RAD52: variants seen among roughly 807,000 people sequenced by gnomAD.
The protein encoded by RAD52 is RAD52 DNA repair protein.
RAD52 carries 47 observed loss-of-function variants against 55.5 expected under a neutral mutation model. That is an observed-to-expected ratio of 0.85 (90% CI 0.67 to 1.08). RAD52 has a LOEUF of 1.08. Ranked by LOEUF, RAD52 falls within the 50% of genes least tolerant of loss-of-function variation. RAD52 has a pLI of 0.00. For synonymous variants in RAD52, 184 were observed against 198.9 expected, an observed-to-expected ratio of 0.92 and a Z score of 0.63; for missense variants, 468 against 522.8, an observed-to-expected ratio of 0.90 and a Z score of 1.02.
At chr12:938,200 T>G (rs1565680791) in intron 1 of RAD52, among the ~76,000 whole-genome samples, 2 of 152,170 alleles carry the variant, frequency 1.3e-5, no homozygotes, top group African/African-American at 4.8e-5. Context: ...CCAATTACAG[T>G]CACATCATGT....
chr12:916,615 AAGG>A (rs1313866964), intron 8 of RAD52, 21 bp downstream of exon 8: 3 of 1,606,088 alleles, frequency 1.9e-6, no homozygotes, highest in Non-Finnish European at 2.6e-6. Context: ...CCGCAGAGGA[AAGG>A]AGGGGACTTA....
chr12:982,391 C>T lies in RAD52; in HGVS notation c.-19+7418G>A, dbSNP rs1959029120. 2.0e-5 allele frequency among the ~76,000 whole-genome samples: 3 copies of T among 152,268 alleles called. No individual in the cohort carries two copies. In the Middle Eastern group the frequency reaches 0.01, roughly 518 times the overall value. On this transcript the variant is annotated intron_variant, in intron 1 of 11. Coordinates refer to the RAD52 transcript ENST00000430095. ...AATTCCCTCAGTTTATCTTTCTTCC[C>T]ACATTTTACTAAAGCAACCAAAAGA...
intron 9 of RAD52, 190 bp downstream of exon 9, chr12:916,154 C>G: frequency 7.7e-7 from 1 of 1,305,692 alleles, no homozygotes; most frequent in South Asian, 2.0e-5. Context: ...TCTTTAGAAA[C>G]GGGAAAATGT....
chr12:913,949 T>A lies in RAD52; in HGVS notation c.1140A>T (p.Gln380His). 1 of 1,614,204 alleles carries A rather than the reference T, an allele frequency of 6.2e-7. No homozygotes were observed. Among genetic ancestry groups the A allele is most frequent in the Non-Finnish European group, 8.5e-7 (1 of 1,180,026 alleles). The change falls in exon 11 of 12, where the codon CAA becomes CAT. Residue 380 changes from glutamine (Q) to histidine (H), a missense_variant. By Grantham distance (24) the Gln-to-His change is conservative (BLOSUM62 0). Coordinates refer to ENST00000358495, the MANE Select transcript of RAD52 (RefSeq NM_134424.4). ...TPHSVCHQKP[Q>H]AKSGSWDLQT... is the part of the protein sequence containing the mutation. Reference sequence around the variant, plus strand: ...GGAGGTCCCAAGATCCAGATTTTGCTTGTGGTTTCTGGTGGCAAACGCTGT... The same window carrying A: ...GGAGGTCCCAAGATCCAGATTTTGCATGTGGTTTCTGGTGGCAAACGCTGT...
In RAD52 at chr12:916,334, C is replaced by G. The variant is rs758450954; in HGVS notation, c.865+10G>C. 18 of 1,603,754 alleles carry G rather than the reference C, an allele frequency of 1.1e-5. No homozygotes were observed. Among genetic ancestry groups the G allele is most frequent in the South Asian group, 2.2e-5 (2 of 91,038 alleles). ...CGCCTCCCAGGGCCCTGCTCCCACC[C>G]CTCGCTCACCCTCACTCTTCTCAGC... On this transcript the variant is annotated intron_variant, in intron 9 of 11. Coordinates refer to ENST00000358495, the MANE Select transcript of RAD52 (RefSeq NM_134424.4).
intron 6 of RAD52, among the ~76,000 whole-genome samples, chr12:925,729 A>G (rs1956997001): frequency 6.6e-6 from 1 of 152,194 alleles, no homozygotes; most frequent in South Asian, 2.1e-4. Context: ...CAGTGAGGAC[A>G]AGACACAAGT....
In RAD52 at chr12:913,238, C is replaced by G; in HGVS notation, c.*153G>C. ...AGTGCTCAGCTCTAACTGCAGTGGG[C>G]TCTCAGTCAGATCCTCTTGATAAGG... On this transcript the variant is annotated 3_prime_UTR_variant, in exon 12 of 12. Coordinates refer to ENST00000358495, the MANE Select transcript of RAD52 (RefSeq NM_134424.4). The G allele has an allele frequency of 1.5e-6, 1 of 688,284 alleles. No homozygotes were observed. The allele number at this position is 688,284 out of a possible 1,614,324, so 42.6% of individuals were successfully genotyped here. A position where few individuals can be genotyped will look rare whatever the true frequency, so the allele number is the denominator to read the frequency against.
At chr12:942,447 C>A (rs1413904695) in intron 1 of RAD52, among the ~76,000 whole-genome samples, 1 of 152,042 alleles carries the variant, frequency 6.6e-6, no homozygotes, top group African/African-American at 2.4e-5. Context: ...AAACATAAAA[C>A]TAAAACTATA....
Position 929,885 on chromosome 12 carries a change from A to G in RAD52, c.282T>C (p.Asp94=). 6.2e-7 allele frequency: 1 copy of G among 1,613,336 alleles called. No individual in the cohort carries two copies. Among genetic ancestry groups the G allele is most frequent in the Non-Finnish European group, 8.5e-7 (1 of 1,179,298 alleles). The change falls in exon 5 of 12, where the codon GAT becomes GAC. Residue 94 remains aspartate, a splice_region_variant and synonymous_variant. Coordinates refer to ENST00000358495, the MANE Select transcript of RAD52 (RefSeq NM_134424.4). The part of the protein sequence containing the change: ...WAHSITQQNV[D]FVDLNNGKFY... ...ACTTGCCATTGTTGAGGTCAACAAA[A>G]TCTAGGAGTGGGAAAGAGAGCAAGT...
chr12:916,224 A>G, intron 9 of RAD52, 120 bp downstream of exon 9: 1 of 1,492,818 alleles, frequency 6.7e-7, no homozygotes, highest in Non-Finnish European at 8.8e-7. Flanking sequence ...AGCTTGAGAG[A>G]AGTCCCAGCG....
Position 916,767 on chromosome 12 carries a change from A to G in RAD52, c.597T>C (p.Ser199=). 6.2e-7 allele frequency: 1 copy of G among 1,614,126 alleles called. No individual in the cohort carries two copies. Among genetic ancestry groups the G allele is most frequent in the Non-Finnish European group, 8.5e-7 (1 of 1,179,992 alleles). Residue 199 remains serine (S), a synonymous_variant, in exon 8 of 12, where the codon TCT becomes TCC. Transcript: ENST00000358495. ...TKAKRQDLEP[S]VEEARYNSCR... ...AGCTGTTGTATCTTGCCTCCTCCAC[A>G]GACGGTTCAAGATCTTGTCTCTTCG...
chr12:931,252 T>C lies in RAD52; in HGVS notation c.154A>G (p.Ile52Val), dbSNP rs200499443. Residue 52 changes from isoleucine to valine, a missense_variant, in exon 3 of 12, where the codon ATA becomes GTA. Ile to Val is a conservative substitution (Grantham distance 29). Coordinates refer to ENST00000358495, the MANE Select transcript of RAD52 (RefSeq NM_134424.4). Reference protein sequence around the residue: ...ALRQRLGPEYISSRMAGGGQK... With the variant: ...ALRQRLGPEYVSSRMAGGGQK... ...CCTCCGCCAGCCATGCGGCTACTTA[T>C]GTATTCTGGGCCCAGCCTCTGCCTC... is the stretch of plus-strand genomic sequence containing the variant. The C allele has an allele frequency of 4.2e-5, 68 of 1,612,914 alleles. No individual in the cohort carries two copies. Among genetic ancestry groups the C allele is most frequent in the Middle Eastern group, 3.3e-4 (2 of 6,060 alleles).
chr12:938,717 G>C (rs1461019848), intron 1 of RAD52, among the ~76,000 whole-genome samples: 2 of 152,036 alleles, frequency 1.3e-5, no homozygotes, highest in East Asian at 1.9e-4. Flanking sequence ...AGACTTAAGA[G>C]GCATGACAAC....
At chr12:979,716 T>C (rs538335885) in intron 1 of RAD52, among the ~76,000 whole-genome samples, 1 of 152,134 alleles carries the variant, frequency 6.6e-6, no homozygotes, top group Admixed American at 6.5e-5. Flanking sequence ...GAAAATAAAT[T>C]TCTGTTATTT....
At chr12:969,534 T>C (rs1958813297) in intron 1 of RAD52, among the ~76,000 whole-genome samples, 1 of 151,994 alleles carries the variant, frequency 6.6e-6, no homozygotes, top group Non-Finnish European at 1.5e-5. Context: ...AGCCTGTAAT[T>C]CCAACACCTT....
chr12:957,110 G>A (rs1360760262), intron 1 of RAD52, among the ~76,000 whole-genome samples: 1 of 152,042 alleles, frequency 6.6e-6, no homozygotes, highest in African/African-American at 2.4e-5. Context: ...GATTTCAGTT[G>A]TTTAAAAAAG....
chr12:930,733 G>C (rs1400356943), intron 3 of RAD52, among the ~76,000 whole-genome samples: 1 of 151,942 alleles, frequency 6.6e-6, no homozygotes, highest in Non-Finnish European at 1.5e-5. Flanking sequence ...TTGGGAGGCC[G>C]AGGTGGGAGG....
At chr12:952,169 GC>G (rs779292138), upstream of RAD52, among the ~76,000 whole-genome samples, 131 of 152,180 alleles carry the variant, frequency 8.6e-4, no homozygotes, top group Non-Finnish European at 1.7e-3. Context: ...TTGCTATGTT[GC>G]TCAGGCTGGT....
At chr12:957,513 C>T (rs563245278) in intron 1 of RAD52, among the ~76,000 whole-genome samples, 61 of 148,390 alleles carry the variant, frequency 4.1e-4, no homozygotes, top group Middle Eastern at 3.7e-3. Flanking sequence ...TGTATGGGCA[C>T]GGTGGCTCAT....
Sources: allele counts gnomAD v4.1 joint callset (sites outside exome capture counted in the v4.1 genomes callset), GRCh38; gene constraint gnomAD v4.1.1; transcripts MANE v1.5; gene names NCBI Gene and HGNC (gene_info 2026-07-23, HGNC 2026-07-21).